Variants in CEACAM20 observed in about 807,000 individuals in gnomAD.
CEACAM20 encodes the protein CEA cell adhesion molecule 20, also known as cell adhesion molecule CEACAM20.
A neutral mutation model predicts 61.2 loss-of-function variants in CEACAM20; 50 were observed. The observed-to-expected ratio is 0.82, with a 90% confidence interval of 0.65 to 1.03. CEACAM20 has a LOEUF of 1.03. CEACAM20 is among the 50% of genes least tolerant of loss of function. CEACAM20 has a pLI of 0.00. For synonymous variants in CEACAM20, 282 were observed against 287.7 expected (o/e 0.98, Z 0.20); for missense variants, 683 against 736.4 (o/e 0.93, Z 0.84).
rs1293458350 is a variant in CEACAM20 at position 44,525,860 on chromosome 19, G to T, written c.53-616C>A. On this transcript the variant is annotated intron_variant, in intron 1 of 11. Coordinates refer to ENST00000614924, the MANE Select transcript of CEACAM20 (RefSeq NM_001102597.3). The stretch of plus-strand genomic sequence containing the variant: ...ATGAATATTGGCAAACTTTGACTGG[G>T]TCCCCTGATAGTCACTGTGTTCTCT... Among the ~76,000 whole-genome samples the T allele has an allele frequency of 2.0e-5, 3 of 152,174 alleles. No individual in the cohort carries two copies. In the South Asian group the frequency reaches 6.2e-4, roughly 31 times the overall value.
At chr19:44,528,953 TTTC>T (rs1555674193) in intron 1 of CEACAM20, among the ~76,000 whole-genome samples, 3,113 of 117,042 alleles carry the variant, frequency 0.027, 65 homozygotes, top group East Asian at 0.099. Context: ...TCTCTCTTTC[TTTC>T]TTTTTTTTTT....
chr19:44,511,235 C>A (rs556676411), intron 10 of CEACAM20, 80 bp from the exon 11 acceptor site: 1 of 1,543,162 alleles, frequency 6.5e-7, no homozygotes, highest in Non-Finnish European at 8.8e-7. Flanking sequence ...CTTCAGGGAC[C>A]GAGAGAGTGG....
rs371366149 is a variant in CEACAM20 at position 44,525,230 on chromosome 19, C to T, written c.67G>A (p.Val23Ile). ...TGGGCTGCAGCTGGAGGACTCCATA[C>T]GGTACAAAGCGAGGCTACAAGGGGA... ...GILLSASLCT[V>I]WSPPAAAQLT... is the part of the protein sequence containing the mutation. The change falls in exon 2 of 12, where the codon GTA becomes ATA. Residue 23 changes from valine (V) to isoleucine (I), a missense_variant. Physicochemically the swap from Val to Ile is conservative, Grantham distance 29. Transcript: ENST00000614924. 9.5e-5 allele frequency: 151 copies of T among 1,586,794 alleles called. 2 individuals carry two copies. In the South Asian group the frequency reaches 1.1e-3, roughly 11 times the overall value.
chr19:44,514,989 C>G (rs956391980), intron 6 of CEACAM20, among the ~76,000 whole-genome samples: 3 of 150,504 alleles, frequency 2.0e-5, no homozygotes, highest in Non-Finnish European at 4.4e-5. Context: ...AGGTACCCAC[C>G]ACCACGCCTG....
chr19:44,510,883 G>A (rs1375911815), intron 11 of CEACAM20, 147 bp downstream of exon 11: 1 of 890,462 alleles, frequency 1.1e-6, no homozygotes, highest in African/African-American at 1.7e-5. Flanking sequence ...AAAATGACAT[G>A]ATGGAAATGG....
intron 1 of CEACAM20, among the ~76,000 whole-genome samples, chr19:44,529,165 A>T (rs1236810844): frequency 2.6e-5 from 4 of 151,740 alleles, no homozygotes; most frequent in Admixed American, 1.3e-4. Context: ...GGGGTTTGCC[A>T]TGCTGGCCAG....
chr19:44,519,351 A>G (rs1049425617), intron 5 of CEACAM20, among the ~76,000 whole-genome samples: 1 of 152,248 alleles, frequency 6.6e-6, no homozygotes, highest in African/African-American at 2.4e-5. Context: ...TAGCACAGAG[A>G]GAGCACAAAA....
intron 1 of CEACAM20, among the ~76,000 whole-genome samples, chr19:44,526,912 T>C (rs964986511): frequency 2.0e-5 from 3 of 151,452 alleles, no homozygotes; most frequent in Non-Finnish European, 2.9e-5. Flanking sequence ...CACGAGACTT[T>C]GCTGGGGCCC....
intron 11 of CEACAM20, among the ~76,000 whole-genome samples, chr19:44,510,604 GAAAGAAA>G (rs1568162467): frequency 0.05 from 3,631 of 72,916 alleles, 274 homozygotes; most frequent in African/African-American, 0.22. Flanking sequence ...AAGAAAGAAA[GAAAGAAA>G]AAGGAAGGAA....
intron 11 of CEACAM20, among the ~76,000 whole-genome samples, chr19:44,510,590 AAG>A (rs1970955053): frequency 9.4e-5 from 5 of 53,324 alleles, no homozygotes; most frequent in East Asian, 2.5e-3. Context: ...GAAAGAAAGA[AAG>A]AAAGAAAGAA....
At chr19:44,511,520 C>T in intron 10 of CEACAM20, 117 bp downstream of exon 10, 3 of 1,055,146 alleles carry the variant, frequency 2.8e-6, no homozygotes, top group Non-Finnish European at 4.3e-6. Flanking sequence ...ATCCCTGGCC[C>T]TGTGATGTGC....
At chr19:44,514,250 G>T (rs771778244) in intron 6 of CEACAM20, among the ~76,000 whole-genome samples, 3 of 152,154 alleles carry the variant, frequency 2.0e-5, no homozygotes, top group Non-Finnish European at 1.5e-5. Context: ...ATTAATAAAT[G>T]GCAATTGTTT....
At chr19:44,528,167 TTTCCTTTC>T (rs1440989114) in intron 1 of CEACAM20, among the ~76,000 whole-genome samples, 1 of 97,246 alleles carries the variant, frequency 1.0e-5, no homozygotes, top group Non-Finnish European at 2.5e-5. Flanking sequence ...CTTTTCTTTC[TTTCCTTTC>T]TTTCTTTCCT....
At chr19:44,516,078 C>T (rs1477028488) in intron 6 of CEACAM20, among the ~76,000 whole-genome samples, 1 of 152,086 alleles carries the variant, frequency 6.6e-6, no homozygotes, top group African/African-American at 2.4e-5. Context: ...ATCAGAGGCC[C>T]AGAGAGGGTA....
intron 11 of CEACAM20, among the ~76,000 whole-genome samples, chr19:44,507,187 T>G (rs1160037036): frequency 6.6e-6 from 1 of 152,208 alleles, no homozygotes; most frequent in Non-Finnish European, 1.5e-5. Flanking sequence ...GACCTTATTC[T>G]GGCTAATGAG....
intron 6 of CEACAM20, 40 bp downstream of exon 6, chr19:44,516,906 C>A (rs750936746): frequency 5.1e-6 from 8 of 1,562,580 alleles, no homozygotes; most frequent in African/African-American, 1.4e-5. Flanking sequence ...TCAGGAAAGG[C>A]CCCTCGGGTC....
intron 11 of CEACAM20, among the ~76,000 whole-genome samples, chr19:44,507,180 C>T (rs1193220740): frequency 3.3e-5 from 5 of 152,144 alleles, no homozygotes; most frequent in African/African-American, 1.2e-4. Context: ...ACCATATGAC[C>T]TTATTCTGGC....
chr19:44,515,352 C>G (rs903939211), intron 6 of CEACAM20, among the ~76,000 whole-genome samples: 1 of 152,122 alleles, frequency 6.6e-6, no homozygotes, highest in African/African-American at 2.4e-5. Context: ...AACTGAACTC[C>G]CTGCTGCCTT....
intron 3 of CEACAM20, among the ~76,000 whole-genome samples, chr19:44,523,367 C>T (rs1397855660): frequency 6.6e-6 from 1 of 151,964 alleles, no homozygotes; most frequent in South Asian, 2.1e-4. Context: ...TATGATTGCA[C>T]CACTGCACTC....
Sources: allele counts gnomAD v4.1 joint callset (sites outside exome capture counted in the v4.1 genomes callset), GRCh38; gene constraint gnomAD v4.1.1; transcripts MANE v1.5; gene names NCBI Gene and HGNC (gene_info 2026-07-23, HGNC 2026-07-21).